NXPH1: variants seen among roughly 807,000 people sequenced by gnomAD.
NXPH1 encodes the protein neurexophilin-1.
Under a neutral mutation model 23.7 loss-of-function variants are expected in NXPH1, and 5 were observed. The observed-to-expected ratio is 0.21, with a 90% confidence interval of 0.11 to 0.44. NXPH1 has a LOEUF of 0.44. Ranked by LOEUF, NXPH1 falls within the 20% of genes least tolerant of loss-of-function variation. The probability of loss-of-function intolerance (pLI) is 0.99; values close to 1 mark genes in which losing one functional copy is unlikely to be tolerated. For synonymous variants in NXPH1, 144 were observed against 122.2 expected (o/e 1.18, Z -1.18); for missense variants, 324 against 321.6 (o/e 1.01, Z -0.06).
At chr7:8,601,055 G>A (rs1819348502) in intron 2 of NXPH1, among the ~76,000 whole-genome samples, 1 of 151,900 alleles carries the variant, frequency 6.6e-6, no homozygotes, top group Admixed American at 6.6e-5. Context: ...TAATTTATAT[G>A]CAGATATTAT....
At chr7:8,599,246 G>A (rs1411925360) in intron 2 of NXPH1, among the ~76,000 whole-genome samples, 1 of 152,096 alleles carries the variant, frequency 6.6e-6, no homozygotes, top group Non-Finnish European at 1.5e-5. Flanking sequence ...ATAGTTATAG[G>A]TGGCATGGGA....
At chr7:8,573,741 T>A (rs947323333) in intron 2 of NXPH1, among the ~76,000 whole-genome samples, 7 of 152,174 alleles carry the variant, frequency 4.6e-5, no homozygotes, top group African/African-American at 1.7e-4. Flanking sequence ...GGTTATTAAA[T>A]GTCTCTGAAC....
At chr7:8,627,009 T>C (rs78782203) in intron 2 of NXPH1, among the ~76,000 whole-genome samples, 5,157 of 152,252 alleles carry the variant, frequency 0.034, 180 homozygotes, top group African/African-American at 0.085. Context: ...CCTCTGACTT[T>C]ATGCCCCCAC....
intron 2 of NXPH1, among the ~76,000 whole-genome samples, chr7:8,481,090 T>C (rs1412933652): frequency 6.6e-6 from 1 of 152,120 alleles, no homozygotes; most frequent in African/African-American, 2.4e-5. Flanking sequence ...GCAGCCTCTT[T>C]TGTGGATGTT....
chr7:8,493,869 T>C (rs1044972304), intron 2 of NXPH1, among the ~76,000 whole-genome samples: 6 of 151,998 alleles, frequency 3.9e-5, no homozygotes, highest in African/African-American at 1.4e-4. Context: ...AAGTTTTAAG[T>C]GCCAGGAAAA....
At chr7:8,450,186 G>C (rs879618814) in intron 2 of NXPH1, among the ~76,000 whole-genome samples, 5 of 152,148 alleles carry the variant, frequency 3.3e-5, no homozygotes, top group Non-Finnish European at 7.3e-5. Context: ...CAGGAGGTGG[G>C]GAGAGAAGAG....
At chr7:8,611,037 A>G (rs1244331485) in intron 2 of NXPH1, among the ~76,000 whole-genome samples, 1 of 152,000 alleles carries the variant, frequency 6.6e-6, no homozygotes, top group East Asian at 1.9e-4. Flanking sequence ...TTAGAGTTGT[A>G]CTCTGTGCCA....
intron 2 of NXPH1, among the ~76,000 whole-genome samples, chr7:8,546,411 G>A (rs973550924): frequency 9.2e-5 from 14 of 151,468 alleles, no homozygotes; most frequent in South Asian, 4.2e-4. Flanking sequence ...GTATTCCAGC[G>A]TAATTAATTG....
intron 2 of NXPH1, among the ~76,000 whole-genome samples, chr7:8,468,424 C>G (rs750984040): frequency 3.3e-5 from 5 of 152,118 alleles, no homozygotes; most frequent in African/African-American, 1.2e-4. Context: ...AAAAGCTATG[C>G]TTGCAACAAT....
chr7:8,464,547 C>A (rs773416604), intron 2 of NXPH1, among the ~76,000 whole-genome samples: 5 of 152,202 alleles, frequency 3.3e-5, no homozygotes, highest in Non-Finnish European at 5.9e-5. Flanking sequence ...GCTCCCTACA[C>A]ATGCTCAAGG....
At chr7:8,515,848 A>T (rs1817678136) in intron 2 of NXPH1, among the ~76,000 whole-genome samples, 1 of 152,162 alleles carries the variant, frequency 6.6e-6, no homozygotes, top group African/African-American at 2.4e-5. Flanking sequence ...ATTGAATTAA[A>T]TACTAATTTT....
chr7:8,712,562 A>G (rs545672524), intron 2 of NXPH1, among the ~76,000 whole-genome samples: 1 of 152,362 alleles, frequency 6.6e-6, no homozygotes, highest in African/African-American at 2.4e-5. Context: ...CGAATGAGAA[A>G]AAGAAAAAGC....
chr7:8,486,703 C>G (rs1448668241), intron 2 of NXPH1, among the ~76,000 whole-genome samples: 1 of 152,158 alleles, frequency 6.6e-6, no homozygotes, highest in Non-Finnish European at 1.5e-5. Flanking sequence ...TTCTAATGTT[C>G]TGGCTTTCCC....
At chr7:8,492,382 G>C (rs2128611343) in intron 2 of NXPH1, among the ~76,000 whole-genome samples, 1 of 152,136 alleles carries the variant, frequency 6.6e-6, no homozygotes, top group East Asian at 1.9e-4. Flanking sequence ...AGAGCTGTGT[G>C]ATTGTAGGTG....
chr7:8,590,912 T>C (rs117258206), intron 2 of NXPH1, among the ~76,000 whole-genome samples: 1,861 of 152,184 alleles, frequency 0.012, 23 homozygotes, highest in South Asian at 0.059. Flanking sequence ...CAATGGCTTT[T>C]TAAAAAAATT....
intron 2 of NXPH1, among the ~76,000 whole-genome samples, chr7:8,534,480 T>A (rs1370282640): frequency 6.6e-6 from 1 of 152,112 alleles, no homozygotes; most frequent in Non-Finnish European, 1.5e-5. Context: ...ATTAAGCTAC[T>A]TTATAATAAG....
intron 2 of NXPH1, among the ~76,000 whole-genome samples, chr7:8,582,113 G>A (rs1818888645): frequency 1.3e-5 from 2 of 152,186 alleles, no homozygotes; most frequent in African/African-American, 4.8e-5. Context: ...GGCTGTTGCT[G>A]GATCAGATGT....
At chr7:8,732,226 C>G (rs191043845) in intron 2 of NXPH1, among the ~76,000 whole-genome samples, 1 of 152,372 alleles carries the variant, frequency 6.6e-6, no homozygotes, top group East Asian at 1.9e-4. Context: ...CACCCACTGA[C>G]TTGCGCCCAG....
intron 2 of NXPH1, among the ~76,000 whole-genome samples, chr7:8,637,838 A>G (rs1378739134): frequency 6.6e-6 from 1 of 152,238 alleles, no homozygotes; most frequent in Admixed American, 6.5e-5. Context: ...CTGGGTAAAT[A>G]TATTAATAAG....
Sources: allele counts gnomAD v4.1 joint callset (sites outside exome capture counted in the v4.1 genomes callset), GRCh38; gene constraint gnomAD v4.1.1; transcripts MANE v1.5; gene names NCBI Gene and HGNC (gene_info 2026-07-23, HGNC 2026-07-21).